The following ODAD2 variants were observed in gnomAD, a reference collection of about 807,000 sequenced individuals.
ODAD2 encodes the protein outer dynein arm docking complex subunit 2, also known as outer dynein arm-docking complex subunit 2.
A neutral mutation model predicts 106.8 loss-of-function variants in ODAD2; 89 were observed. The ratio of observed to expected loss-of-function variants is 0.83; its 90% CI spans 0.70 to 0.99. ODAD2 has a LOEUF of 0.99. Ranked by LOEUF, ODAD2 falls within the 50% of genes least tolerant of loss-of-function variation. The pLI is 0.00. For synonymous variants in ODAD2, 404 were observed against 436.2 expected, an observed-to-expected ratio of 0.93 and a Z score of 0.92; for missense variants, 1,168 against 1,238.5, an observed-to-expected ratio of 0.94 and a Z score of 0.85.
intron 2 of ODAD2, among the ~76,000 whole-genome samples, chr10:27,991,238 G>T (rs1047830188): frequency 2.0e-5 from 3 of 152,170 alleles, no homozygotes; most frequent in Admixed American, 6.5e-5. Flanking sequence ...TGAAATGAAA[G>T]TAGAGCTATT....
At chr10:27,924,004 A>AGAGAGAG (rs1845008936) in intron 16 of ODAD2, among the ~76,000 whole-genome samples, 2 of 130,720 alleles carry the variant, frequency 1.5e-5, no homozygotes, top group African/African-American at 2.9e-5. Context: ...GAAAGAAAGA[A>AGAGAGAG]AGAAAGAAAG....
rs1588622033 is a variant in ODAD2 at position 27,963,800 on chromosome 10, AGTTTT to A, written c.1239-2090_1239-2086del. Among the ~76,000 whole-genome samples, 3 of 128,060 alleles carry A rather than the reference AGTTTT, an allele frequency of 2.3e-5. No individual in the cohort carries two copies. The East Asian group carries it at 6.5e-4, about 28-fold the overall frequency. 84.0% of individuals were successfully genotyped at this position (128,060 alleles called of 152,430 possible). Reference sequence around the variant, plus strand: ...AATTTCATTACCCTTTTTTGAAGTGAGTTTTTTAGACCCCCATGCATTTGGCCACA... The same window carrying A: ...AATTTCATTACCCTTTTTTGAAGTGATTAGACCCCCATGCATTTGGCCACA... On this transcript the variant is annotated intron_variant, in intron 9 of 19. Coordinates refer to ENST00000305242, the MANE Select transcript of ODAD2 (RefSeq NM_018076.5).
In ODAD2 at chr10:27,862,442, C is replaced by T. The variant is rs775312616; in HGVS notation, c.2791G>A (p.Ala931Thr). The change falls in exon 18 of 20, where the codon GCA becomes ACA. Residue 931 changes from alanine to threonine, a missense_variant. Physicochemically the swap from Ala to Thr is moderately conservative, Grantham distance 58. Coordinates refer to ENST00000305242, the MANE Select transcript of ODAD2 (RefSeq NM_018076.5). ...HGVVPLLSKL[A>T]NTNNNKLRHH... ...AAAGATGTGTTACTTACTGTATTTG[C>T]CAGTTTGGACAATAAAGGAACAACT... 3.7e-6 allele frequency: 6 copies of T among 1,605,052 alleles called. No individual in the cohort carries two copies. The highest frequency in any genetic ancestry group is 5.1e-6 in the Non-Finnish European group (6 of 1,176,444).
chr10:27,884,805 C>A (rs1841964545), intron 17 of ODAD2, among the ~76,000 whole-genome samples: 1 of 152,026 alleles, frequency 6.6e-6, no homozygotes, highest in Non-Finnish European at 1.5e-5. Context: ...TTAAGAACAG[C>A]CATGTATATG....
Position 27,987,420 on chromosome 10 carries a change from AG to A in ODAD2, c.347del (p.Thr116MetfsTer4). 6.2e-7 allele frequency: 1 copy of A among 1,613,652 alleles called. No individual in the cohort carries two copies. On this transcript the variant is annotated frameshift_variant, in exon 3 of 20. Coordinates refer to ENST00000305242, the MANE Select transcript of ODAD2 (RefSeq NM_018076.5). LOFTEE classifies it high-confidence loss of function. ...QLSRLLLIAK[T>X]GKLKEAQACV... ...ATGCTTGGGCTTCCTTCAACTTCCC[AG>A]TTTTGGCAATAAGTAACAAGCGTGA...
chr10:27,983,950 G>C lies in ODAD2; in HGVS notation c.712C>G (p.Pro238Ala). Reference protein sequence around the residue: ...DYEFSNGCRAPPWRQIRGEIC... With the variant: ...DYEFSNGCRAAPWRQIRGEIC... ...TCCCCACGAATTTGTCTCCACGGTG[G>C]GGCTCGACATCCATTTGAAAATTCA... The change falls in exon 6 of 20, where the codon CCA becomes GCA. Residue 238 changes from proline to alanine, a missense_variant. Pro to Ala is a conservative substitution (Grantham distance 27, BLOSUM62 -1). Around this residue, in one of 3 missense-constraint regions of ODAD2, gnomAD observed 430 missense variants for 452.2 expected, o/e 0.95. Transcript: ENST00000305242. 6.2e-7 allele frequency: 1 copy of C among 1,608,212 alleles called. No homozygotes were observed. The highest frequency in any genetic ancestry group is 8.5e-7 in the Non-Finnish European group (1 of 1,178,858).
chr10:27,934,345 G>C (rs912860466), intron 16 of ODAD2, among the ~76,000 whole-genome samples: 1 of 151,252 alleles, frequency 6.6e-6, no homozygotes, highest in Non-Finnish European at 1.5e-5. Flanking sequence ...AGTCACCCAG[G>C]TTCCTCCTTT....
intron 19 of ODAD2, among the ~76,000 whole-genome samples, chr10:27,844,385 C>G (rs1053580322): frequency 1.3e-5 from 2 of 152,168 alleles, no homozygotes; most frequent in African/African-American, 4.8e-5. Flanking sequence ...AACTCTCTGC[C>G]AAGTCCCCTT....
chr10:27,860,354 G>A (rs1165150074), intron 19 of ODAD2, among the ~76,000 whole-genome samples: 1 of 152,090 alleles, frequency 6.6e-6, no homozygotes, highest in Non-Finnish European at 1.5e-5. Context: ...TTGGGAGGGT[G>A]AGGCAGGAGG....
At chr10:27,878,109 A>T (rs965894634) in intron 17 of ODAD2, among the ~76,000 whole-genome samples, 4 of 152,200 alleles carry the variant, frequency 2.6e-5, no homozygotes, top group Admixed American at 6.5e-5. Context: ...TAGTAATTTT[A>T]AAAAAAGATG....
intron 17 of ODAD2, among the ~76,000 whole-genome samples, chr10:27,885,778 A>T (rs1326617876): frequency 2.1e-5 from 1 of 47,012 alleles, no homozygotes; most frequent in African/African-American, 8.1e-5. Flanking sequence ...ATTATATAAA[A>T]TATATATTAT....
chr10:27,969,287 C>T (rs534921198), intron 8 of ODAD2, among the ~76,000 whole-genome samples: 1 of 151,736 alleles, frequency 6.6e-6, no homozygotes, highest in South Asian at 2.1e-4. Flanking sequence ...AATCCTGCAC[C>T]CGATGCCTTC....
chr10:27,879,326 C>T (rs1213035362), intron 17 of ODAD2, among the ~76,000 whole-genome samples: 1 of 151,724 alleles, frequency 6.6e-6, no homozygotes, highest in Non-Finnish European at 1.5e-5. Flanking sequence ...AACTTTATAA[C>T]AAGTATAAGG....
chr10:27,882,221 G>T lies in ODAD2; in HGVS notation c.2611-19599C>A, dbSNP rs143885806. 5.7e-3 allele frequency among the ~76,000 whole-genome samples: 863 copies of T among 150,962 alleles called. 10 individuals are homozygous for T. Among genetic ancestry groups the T allele is most frequent in the African/African-American group, 0.02 (825 of 40,896 alleles). On this transcript the variant is annotated intron_variant, in intron 17 of 19. Transcript: ENST00000305242. Reference sequence around the variant, plus strand: ...AGAAAGAAAGAAAGAAAGAAAGAAAGAAAGAAAGAAAGAAATATGAACTCT... The same window carrying T: ...AGAAAGAAAGAAAGAAAGAAAGAAATAAAGAAAGAAAGAAATATGAACTCT...
At chr10:27,917,132 C>T (rs1350309579) in intron 16 of ODAD2, among the ~76,000 whole-genome samples, 1 of 152,074 alleles carries the variant, frequency 6.6e-6, no homozygotes, top group Non-Finnish European at 1.5e-5. Context: ...ACAGACCAGA[C>T]AGCTGAGTCA....
At chr10:27,892,204 C>CT (rs1271417377) in intron 17 of ODAD2, among the ~76,000 whole-genome samples, 6 of 152,104 alleles carry the variant, frequency 3.9e-5, no homozygotes, top group Admixed American at 3.3e-4. Flanking sequence ...GATCTCTGTC[C>CT]TTTTTAGCAA....
At chr10:27,839,940 T>A (rs938483378) in intron 19 of ODAD2, among the ~76,000 whole-genome samples, 1 of 152,212 alleles carries the variant, frequency 6.6e-6, no homozygotes, top group Non-Finnish European at 1.5e-5. Context: ...GGATGCTAAA[T>A]CCATACCAGC....
At chr10:27,948,693 C>T (rs1847108853) in intron 10 of ODAD2, among the ~76,000 whole-genome samples, 1 of 151,482 alleles carries the variant, frequency 6.6e-6, no homozygotes, top group African/African-American at 2.4e-5. Context: ...TAAGTGTTTC[C>T]ACTTCTAAAA....
chr10:27,878,192 TATA>T (rs1841473286), intron 17 of ODAD2, among the ~76,000 whole-genome samples: 1 of 152,294 alleles, frequency 6.6e-6, no homozygotes, highest in South Asian at 2.1e-4. Flanking sequence ...GAAATGCCTT[TATA>T]ATGGCACTAA....
Sources: gnomAD v4.1 joint callset for allele counts (sites outside exome capture counted in the v4.1 genomes callset) on GRCh38, gnomAD v4.1.1 for gene constraint, gnomAD v4.1.1 regional missense constraint, MANE v1.5 for transcripts, NCBI Gene and HGNC (gene_info 2026-07-23, HGNC 2026-07-21) for gene names.